SLC4A7: variants seen among roughly 807,000 people sequenced by gnomAD.
SLC4A7 encodes solute carrier family 4 member 7, also known as sodium bicarbonate cotransporter 3.
A neutral mutation model predicts 137.6 loss-of-function variants in SLC4A7; 51 were observed. The observed-to-expected ratio is 0.37, with a 90% CI of 0.30 to 0.47. The LOEUF is 0.47. Among genes scored for constraint, SLC4A7 ranks in the 20% least tolerant of loss-of-function variants. The pLI is 1.00. For missense variants in SLC4A7, 1,247 were observed against 1,525.4 expected (o/e 0.82, Z 3.04); for synonymous variants, 542 against 518.6 (o/e 1.05, Z -0.61).
At chr3:27,440,998 T>C (rs2057148528) in intron 3 of SLC4A7, among the ~76,000 whole-genome samples, 1 of 152,086 alleles carries the variant, frequency 6.6e-6, no homozygotes, top group Non-Finnish European at 1.5e-5. Context: ...TGAGCCAAGA[T>C]CGCATCATCG....
intron 1 of SLC4A7, 99 bp from the exon 2 acceptor site, chr3:27,452,597 CT>C: frequency 1.6e-6 from 1 of 623,150 alleles, no homozygotes; most frequent in South Asian, 2.7e-5. Context: ...AAACAGACTG[CT>C]TTCTCTCAAA....
At chr3:27,402,147 G>A (rs997680) in intron 15 of SLC4A7, among the ~76,000 whole-genome samples, 32,188 of 152,114 alleles carry the variant, frequency 0.21, 3,498 homozygotes, top group Non-Finnish European at 0.25. Flanking sequence ...ATTTTTCCCT[G>A]TAAATCAATC....
intron 18 of SLC4A7, among the ~76,000 whole-genome samples, chr3:27,396,817 C>A (rs531725493): frequency 1.3e-5 from 2 of 152,080 alleles, no homozygotes; most frequent in East Asian, 3.8e-4. Flanking sequence ...AAAACAAAAA[C>A]AGAGCAGAAG....
chr3:27,469,753 C>CAA (rs909961230), intron 1 of SLC4A7, among the ~76,000 whole-genome samples: 3 of 149,778 alleles, frequency 2.0e-5, no homozygotes, highest in Non-Finnish European at 4.4e-5. Context: ...AACTCTGTCT[C>CAA]AAAAAAAAAT....
intron 7 of SLC4A7, among the ~76,000 whole-genome samples, chr3:27,426,516 T>C (rs1041687159): frequency 6.6e-6 from 1 of 152,162 alleles, no homozygotes; most frequent in Admixed American, 6.5e-5. Flanking sequence ...CCTGTGTATA[T>C]ATATCATCAA....
intron 23 of SLC4A7, among the ~76,000 whole-genome samples, chr3:27,385,586 T>C (rs2050854389): frequency 6.6e-6 from 1 of 152,144 alleles, no homozygotes; most frequent in Non-Finnish European, 1.5e-5. Context: ...AAACTCTAAT[T>C]CTTCTAATTG....
In SLC4A7 at chr3:27,398,315, A is replaced by G. The variant is rs1449344092; in HGVS notation, c.2466T>C (p.Ala822=). 1.2e-6 allele frequency: 2 copies of G among 1,611,444 alleles called. No individual in the cohort carries two copies. The highest frequency in any genetic ancestry group is 1.1e-5 in the South Asian group (1 of 90,544). Residue 822 remains alanine (A), a synonymous_variant, in exon 17 of 26, where the codon GCT becomes GCC. Coordinates refer to ENST00000454389, the MANE Select transcript of SLC4A7 (RefSeq NM_001321103.2). ...KKLRGVFLGS[A]CGHHGPYIPD... ...GAATATAAGGTCCATGATGACCACAAGCTGACCCCAAGAATACACCACGAA... is the reference window on the plus strand; with the variant it reads ...GAATATAAGGTCCATGATGACCACAGGCTGACCCCAAGAATACACCACGAA...
intron 3 of SLC4A7, among the ~76,000 whole-genome samples, chr3:27,444,838 C>T (rs1467817486): frequency 6.6e-6 from 1 of 151,918 alleles, no homozygotes; most frequent in African/African-American, 2.4e-5. Context: ...TCTTTATATC[C>T]CTGATAATTT....
chr3:27,484,178 G>T lies in SLC4A7; in HGVS notation c.-52C>A. ...GCTACGGTACTGCCCCGCGCGGTCT[G>T]CCTGCTTCTGCCGCTGCCCCTGCCG... On this transcript the variant is annotated 5_prime_UTR_variant, in exon 1 of 26. Coordinates refer to ENST00000454389, the MANE Select transcript of SLC4A7 (RefSeq NM_001321103.2). 8.1e-7 allele frequency: 1 copy of T among 1,227,142 alleles called. No homozygotes were observed. The highest frequency in any genetic ancestry group is 1.0e-6 in the Non-Finnish European group (1 of 977,474). 76.0% of individuals were successfully genotyped at this position (1,227,142 alleles called of 1,614,324 possible).
chr3:27,449,604 G>T (rs1349919828), intron 2 of SLC4A7, among the ~76,000 whole-genome samples: 1 of 152,104 alleles, frequency 6.6e-6, no homozygotes, highest in Non-Finnish European at 1.5e-5. Context: ...AGCTACTGCT[G>T]ATATTGCATT....
chr3:27,397,898 AATGGAGCT>A, intron 17 of SLC4A7, 101 bp from the exon 18 acceptor site: 5 of 691,776 alleles, frequency 7.2e-6, no homozygotes, highest in Admixed American at 3.2e-5. Context: ...ACAACGTACA[AATGGAGCT>A]TTTAACTAGT....
At chr3:27,450,645 G>A (rs2058012958) in intron 2 of SLC4A7, among the ~76,000 whole-genome samples, 1 of 152,090 alleles carries the variant, frequency 6.6e-6, no homozygotes, top group Non-Finnish European at 1.5e-5. Flanking sequence ...TAAATGCTAT[G>A]AGTGTGCAGT....
At chr3:27,474,936 C>T (rs1158519233) in intron 1 of SLC4A7, among the ~76,000 whole-genome samples, 1 of 151,970 alleles carries the variant, frequency 6.6e-6, no homozygotes, top group Non-Finnish European at 1.5e-5. Flanking sequence ...GGTGAAACCC[C>T]ATCTCTACTA....
chr3:27,417,574 TGAGACA>T (rs1265422966), intron 11 of SLC4A7, among the ~76,000 whole-genome samples: 1 of 152,052 alleles, frequency 6.6e-6, no homozygotes, highest in Non-Finnish European at 1.5e-5. Context: ...CACAACAAAG[TGAGACA>T]GCATATCTAC....
Position 27,411,723 on chromosome 3 carries a change from T to G in SLC4A7, c.1685A>C (p.His562Pro). The G allele has an allele frequency of 1.3e-6, 2 of 1,546,002 alleles. No individual in the cohort carries two copies. Among genetic ancestry groups the G allele is most frequent in the African/African-American group, 2.8e-5 (2 of 72,202 alleles). ...SQEKRKIPVF[H>P]NGSTPTLGET... ...ACCCAGTGTGGGGGTAGATCCATTG[T>G]GAAACACAGGAATCTTTCTCTTTTC... is the stretch of plus-strand genomic sequence containing the variant. The change falls in exon 12 of 26, where the codon CAC (histidine) becomes CCC (proline). Residue 562 changes from histidine (H) to proline (P), a missense_variant. By Grantham distance (77) the His-to-Pro change is moderately conservative. Coordinates refer to ENST00000454389, the MANE Select transcript of SLC4A7 (RefSeq NM_001321103.2).
intron 4 of SLC4A7, 99 bp from the exon 5 acceptor site, chr3:27,436,647 A>G: frequency 6.3e-6 from 5 of 795,714 alleles, no homozygotes; most frequent in Non-Finnish European, 9.1e-6. Flanking sequence ...AGAAAAAAAA[A>G]AAAGAAATAA....
chr3:27,390,839 T>G (rs1488669779), intron 21 of SLC4A7, among the ~76,000 whole-genome samples: 2 of 152,276 alleles, frequency 1.3e-5, no homozygotes, highest in Admixed American at 6.5e-5. Context: ...TTGTTTGTTT[T>G]TTGAGACAGG....
rs1481625720 is a variant in SLC4A7 at position 27,484,109 on chromosome 3, G to C, written c.18C>G (p.Ala6=). Reference sequence around the variant, plus strand: ...TGAGTAGCGGTCTCATCTGCTCGCCGGCCCCATCAGCCTCCATGGCCGGCC... The same window carrying C: ...TGAGTAGCGGTCTCATCTGCTCGCCCGCCCCATCAGCCTCCATGGCCGGCC... MEADG[A]GEQMRPLLTR... Residue 6 remains alanine, a synonymous_variant, in exon 1 of 26, where the codon GCC becomes GCG. Transcript: ENST00000454389. 8.6e-6 allele frequency: 12 copies of C among 1,395,154 alleles called. No individual in the cohort carries two copies. The East Asian group carries it at 3.8e-4, about 44-fold the overall frequency. 86.4% of individuals were successfully genotyped at this position (1,395,154 alleles called of 1,614,324 possible).
intron 16 of SLC4A7, among the ~76,000 whole-genome samples, 160 bp from the exon 17 acceptor site, chr3:27,398,513 C>T (rs2052428845): frequency 6.6e-6 from 1 of 152,156 alleles, no homozygotes; most frequent in South Asian, 2.1e-4. Context: ...CTATAACACA[C>T]TAACAACTAA....
Sources: gnomAD v4.1 joint callset for allele counts (sites outside exome capture counted in the v4.1 genomes callset) on GRCh38, gnomAD v4.1.1 for gene constraint, MANE v1.5 for transcripts, NCBI Gene and HGNC (gene_info 2026-07-23, HGNC 2026-07-21) for gene names.